The following RGPD3 variants were observed in gnomAD, a reference collection of about 807,000 sequenced individuals.
The protein encoded by RGPD3 is ranBP2-like and GRIP domain-containing protein 3.
In RGPD3, 62 loss-of-function variants were observed where a neutral mutation model predicts 154.5. That is an observed-to-expected ratio of 0.40 (90% CI 0.33 to 0.50). The LOEUF is 0.50. Among genes scored for constraint, RGPD3 ranks in the 20% least tolerant of loss-of-function variants. The pLI, the probability that RGPD3 is intolerant of heterozygous loss-of-function variation, is 0.59. For missense variants in RGPD3, 919 were observed against 1,716.8 expected (o/e 0.54, Z 8.21); for synonymous variants, 308 against 607.0 (o/e 0.51, Z 7.24).
chr2:106,450,705 C>CACAAA (rs1678088454), intron 6 of RGPD3, among the ~76,000 whole-genome samples: 1 of 43,282 alleles, frequency 2.3e-5, no homozygotes, highest in Non-Finnish European at 3.4e-5. Context: ...GACTCTGTCT[C>CACAAA]AAAAAAAAAA....
At chr2:106,446,254 G>T (rs1207397407) in intron 7 of RGPD3, among the ~76,000 whole-genome samples, 2 of 120,568 alleles carry the variant, frequency 1.7e-5, no homozygotes, top group African/African-American at 3.1e-5. Context: ...CAAAAGTTAT[G>T]CAGGCTCATT....
chr2:106,449,760 G>A (rs1473463827), intron 6 of RGPD3, among the ~76,000 whole-genome samples: 1 of 151,978 alleles, frequency 6.6e-6, no homozygotes, highest in East Asian at 1.9e-4. Flanking sequence ...GCTCATGCCT[G>A]TAATCCCAGC....
chr2:106,408,386 G>GTTT (rs1386866313), intron 22 of RGPD3, among the ~76,000 whole-genome samples: 1 of 116,864 alleles, frequency 8.6e-6, no homozygotes, highest in African/African-American at 3.1e-5. Flanking sequence ...CCTAGTATGT[G>GTTT]TTTATTATAA....
intron 22 of RGPD3, among the ~76,000 whole-genome samples, chr2:106,407,521 G>A (rs1281432064): frequency 6.6e-6 from 1 of 150,954 alleles, no homozygotes; most frequent in Non-Finnish European, 1.5e-5. Context: ...CTTGTTCCCA[G>A]GAATAAAGAG....
intron 8 of RGPD3, among the ~76,000 whole-genome samples, chr2:106,439,814 C>T (rs1365822438): frequency 1.7e-4 from 18 of 104,942 alleles, no homozygotes; most frequent in Non-Finnish European, 3.3e-4. Context: ...TGCAGTGAGC[C>T]GAGATCACGC....
At position 106,468,212 on chromosome 2, in the gene RGPD3, C is replaced by G; in HGVS notation, c.72+5G>C. ...AGGCCGTCGGTCTCTTCCAGACCCA[C>G]TCACCTTTCGAGGCGACGGGGCGGA... On this transcript the variant is annotated splice_donor_5th_base_variant and intron_variant, in intron 1 of 22. Coordinates refer to ENST00000409886, the MANE Select transcript of RGPD3 (RefSeq NM_001144013.2). 6.2e-7 allele frequency: 1 copy of G among 1,604,172 alleles called. No homozygotes were observed. Among genetic ancestry groups the G allele is most frequent in the South Asian group, 1.1e-5 (1 of 89,408 alleles).
At chr2:106,441,494 T>C in intron 7 of RGPD3, 114 bp from the exon 8 acceptor site, 1 of 1,051,248 alleles carries the variant, frequency 9.5e-7, no homozygotes, top group Non-Finnish European at 1.4e-6. Context: ...AGTTAACCAT[T>C]AATTAAACTG....
intron 22 of RGPD3, among the ~76,000 whole-genome samples, chr2:106,408,587 G>A (rs1272856918): frequency 1.5e-5 from 2 of 136,664 alleles, no homozygotes; most frequent in Non-Finnish European, 3.1e-5. Flanking sequence ...TATGTAGAGT[G>A]TCAAGAAATA....
At chr2:106,413,720 A>G (rs1393734409) in intron 21 of RGPD3, among the ~76,000 whole-genome samples, 1 of 152,162 alleles carries the variant, frequency 6.6e-6, no homozygotes, top group Non-Finnish European at 1.5e-5. Context: ...AGAGGTGGAA[A>G]TGAGTCAGTC....
At chr2:106,466,337 C>T (rs1233039837) in intron 1 of RGPD3, among the ~76,000 whole-genome samples, 2 of 150,744 alleles carry the variant, frequency 1.3e-5, no homozygotes, top group Non-Finnish European at 3.0e-5. Context: ...CGTCAGGAGC[C>T]ATGACGCCTG....
intron 1 of RGPD3, among the ~76,000 whole-genome samples, chr2:106,464,685 C>A (rs1678512824): frequency 6.6e-6 from 1 of 152,026 alleles, no homozygotes; most frequent in African/African-American, 2.4e-5. Flanking sequence ...CAGAAGCCAT[C>A]TGGAAAAAGA....
rs537117317 is a variant in RGPD3, at chr2:106,441,097, T to C, written c.1066+196A>G. On this transcript the variant is annotated intron_variant, in intron 8 of 22. Coordinates refer to ENST00000409886, the MANE Select transcript of RGPD3 (RefSeq NM_001144013.2). ...ATCCTCTCCACATAGGAACAAACAA[T>C]ATCAAATATTCATTTTTTTTAAAGA... 1.9e-4 allele frequency among the ~76,000 whole-genome samples: 29 copies of C among 148,866 alleles called. No homozygotes were observed. In the South Asian group the frequency reaches 4.2e-3, roughly 21 times the overall value.
intron 7 of RGPD3, among the ~76,000 whole-genome samples, chr2:106,445,873 TGAGTTCAG>T: frequency 1.5e-5 from 1 of 67,502 alleles, no homozygotes; most frequent in Non-Finnish European, 3.0e-5. Context: ...GCAGATCACC[TGAGTTCAG>T]GAGCTCAAGA....
intron 1 of RGPD3, among the ~76,000 whole-genome samples, chr2:106,466,112 G>A (rs1678570392): frequency 6.6e-6 from 1 of 151,786 alleles, no homozygotes; most frequent in Non-Finnish European, 1.5e-5. Flanking sequence ...GGGTACTACG[G>A]GGCCAGAAAG....
At chr2:106,412,771 G>T (rs1317420090) in intron 22 of RGPD3, 1 of 521,268 alleles carries the variant, frequency 1.9e-6, no homozygotes, top group South Asian at 1.6e-5. Flanking sequence ...TTAAAAAGTA[G>T]AATTTAAAAC....
chr2:106,457,367 C>T (rs1678263746), intron 3 of RGPD3, among the ~76,000 whole-genome samples, 200 bp downstream of exon 3: 1 of 152,252 alleles, frequency 6.6e-6, no homozygotes, highest in Admixed American at 6.5e-5. Flanking sequence ...CAAAAGAACA[C>T]CATTTCTGAC....
intron 1 of RGPD3, among the ~76,000 whole-genome samples, chr2:106,467,330 T>G (rs1678648773): frequency 2.1e-5 from 2 of 93,248 alleles, no homozygotes; most frequent in African/African-American, 8.3e-5. Flanking sequence ...GCCTGAGCCA[T>G]CGAGGCCGCC....
intron 1 of RGPD3, among the ~76,000 whole-genome samples, chr2:106,467,618 C>T (rs1261370550): frequency 1.4e-5 from 2 of 143,982 alleles, no homozygotes; most frequent in Admixed American, 6.8e-5. Flanking sequence ...GCCGCCGGGC[C>T]GGGTCGAGGC....
intron 1 of RGPD3, among the ~76,000 whole-genome samples, chr2:106,464,972 C>G (rs1044533568): frequency 6.7e-6 from 1 of 148,772 alleles, no homozygotes; most frequent in African/African-American, 2.5e-5. Flanking sequence ...AGATTACAGA[C>G]GAAGAATATT....
Sources: allele counts gnomAD v4.1 joint callset (sites outside exome capture counted in the v4.1 genomes callset), GRCh38; gene constraint gnomAD v4.1.1; transcripts MANE v1.5; gene names NCBI Gene and HGNC (gene_info 2026-07-23, HGNC 2026-07-21).